DDHD1: variants seen among roughly 807,000 people sequenced by gnomAD.
DDHD1 encodes the protein DDHD domain containing 1, also known as phospholipase DDHD1.
In DDHD1, 49 loss-of-function variants were observed where a neutral mutation model predicts 96.4. The ratio of observed to expected loss-of-function variants is 0.51; its 90% CI spans 0.40 to 0.64. The LOEUF is 0.64. Among genes scored for constraint, DDHD1 ranks in the 30% least tolerant of loss-of-function variants. DDHD1 has a pLI of 0.00. For synonymous variants in DDHD1, 442 were observed against 446.5 expected, an observed-to-expected ratio of 0.99 and a Z score of 0.13; for missense variants, 1,106 against 1,161.2, an observed-to-expected ratio of 0.95 and a Z score of 0.69.
chr14:53,152,337 G>A lies in DDHD1; in HGVS notation c.762C>T (p.Ile254=). ...HEPEMVELVN[I]EPVCVRGGLY... is the part of the protein sequence containing the mutation. ...GGCCGCCCCGCACGCACACAGGCTC[G>A]ATGTTCACAAGCTCCACCATCTCCG... The change falls in exon 1 of 13, where the codon ATC becomes ATT. Residue 254 remains isoleucine (I), a synonymous_variant. Transcript: ENST00000673822. 6.2e-7 allele frequency: 1 copy of A among 1,613,952 alleles called. No homozygotes were observed. Among genetic ancestry groups the A allele is most frequent in the Non-Finnish European group, 8.5e-7 (1 of 1,179,954 alleles).
At position 53,061,472 on chromosome 14, in the gene DDHD1, A is replaced by G. The variant is rs576788102; in HGVS notation, c.1767-271T>C. The G allele has an allele frequency of 5.4e-5, 17 of 317,096 alleles. No individual in the cohort carries two copies. The East Asian group carries it at 9.6e-4, about 18-fold the overall frequency. The allele number at this position is 317,096 out of a possible 1,614,324, so 19.6% of individuals were successfully genotyped here. Reference sequence around the variant, plus strand: ...ATGTGAGTCATATACAAGCACATATACATCTTTTAAAAAATTATACCAAAT... The same window carrying G: ...ATGTGAGTCATATACAAGCACATATGCATCTTTTAAAAAATTATACCAAAT... On this transcript the variant is annotated intron_variant, in intron 7 of 12. Coordinates refer to ENST00000673822, the MANE Select transcript of DDHD1 (RefSeq NM_001160148.2).
intron 4 of DDHD1, among the ~76,000 whole-genome samples, chr14:53,084,941 T>C (rs1277362285): frequency 1.3e-5 from 2 of 152,242 alleles, no homozygotes; most frequent in Non-Finnish European, 2.9e-5. Context: ...GCTTTTCCAA[T>C]GGTCTGAGCA....
intron 9 of DDHD1, among the ~76,000 whole-genome samples, chr14:53,056,157 T>A (rs368126941): frequency 6.6e-6 from 1 of 152,224 alleles, no homozygotes; most frequent in Non-Finnish European, 1.5e-5. Flanking sequence ...CAGAGAAATA[T>A]TTTTATTATG....
chr14:53,123,257 C>T (rs1889151389), intron 1 of DDHD1, among the ~76,000 whole-genome samples: 1 of 151,790 alleles, frequency 6.6e-6, no homozygotes, highest in South Asian at 2.1e-4. Flanking sequence ...AGTGATTCTC[C>T]TGCCTCAGCC....
chr14:53,056,689 T>C (rs1883083730), intron 9 of DDHD1, among the ~76,000 whole-genome samples: 1 of 152,190 alleles, frequency 6.6e-6, no homozygotes, highest in Admixed American at 6.5e-5. Flanking sequence ...CTTCCTCTCT[T>C]ACAGAGATGT....
chr14:53,106,835 G>A (rs947865524), intron 1 of DDHD1, among the ~76,000 whole-genome samples: 9 of 152,112 alleles, frequency 5.9e-5, no homozygotes, highest in African/African-American at 2.2e-4. Context: ...TGTAAAATTT[G>A]AAATTTCCTA....
chr14:53,068,102 C>T (rs569510536), intron 6 of DDHD1, among the ~76,000 whole-genome samples: 7 of 152,036 alleles, frequency 4.6e-5, no homozygotes, highest in African/African-American at 9.7e-5. Context: ...ATTCTGCCAG[C>T]GTATCTAATA....
chr14:53,131,156 G>A (rs756705411), intron 1 of DDHD1, among the ~76,000 whole-genome samples: 5 of 152,124 alleles, frequency 3.3e-5, no homozygotes, highest in South Asian at 2.1e-4. Flanking sequence ...TTATTAGGTC[G>A]AGGCATTTTA....
At chr14:53,073,666 T>G in intron 5 of DDHD1, 75 bp downstream of exon 5, 1 of 1,282,542 alleles carries the variant, frequency 7.8e-7, no homozygotes. Context: ...CAAAAAGTGT[T>G]TTCTAAAACT....
At chr14:53,114,305 T>G (rs1188648046) in intron 1 of DDHD1, among the ~76,000 whole-genome samples, 1 of 152,220 alleles carries the variant, frequency 6.6e-6, no homozygotes, top group Non-Finnish European at 1.5e-5. Flanking sequence ...TCAGCAGATT[T>G]AATCTTTCCT....
rs1370611484 is a variant in DDHD1 at position 53,152,915 on chromosome 14, C to T, written c.184G>A (p.Glu62Lys). ...CCCGGCGCCAAATGCAGCCCGGGTT[C>T]CCCGCGCAGCAGGGCCAGGGGCACG... is the stretch of plus-strand genomic sequence containing the variant. ...GDVPLALLRG[E>K]PGLHLAPGTD... The change falls in exon 1 of 13, where the codon GAA becomes AAA. Residue 62 changes from glutamate (E) to lysine (K), a missense_variant. This residue lies in a region of DDHD1 where 456 missense variants were observed against 402.4 expected (regional missense o/e 1.13). Coordinates refer to ENST00000673822, the MANE Select transcript of DDHD1 (RefSeq NM_001160148.2). 57 of 1,607,662 alleles carry T rather than the reference C, an allele frequency of 3.5e-5. No homozygotes were observed. Among genetic ancestry groups the T allele is most frequent in the Non-Finnish European group, 4.7e-5 (55 of 1,177,624 alleles).
Position 53,040,592 on chromosome 14 carries a change from G to T in DDHD1, c.*6176C>A, listed in dbSNP as rs1881578888. Reference sequence around the variant, plus strand: ...GAAATTATTAAATGTGCATGCACCAGTTCCAGCTGAGAAAATCAGAACTGG... The same window carrying T: ...GAAATTATTAAATGTGCATGCACCATTTCCAGCTGAGAAAATCAGAACTGG... On this transcript the variant is annotated 3_prime_UTR_variant, in exon 13 of 13. Transcript: ENST00000673822. 1 of 152,164 alleles carries T rather than the reference G, an allele frequency of 6.6e-6. No individual in the cohort carries two copies. The highest frequency in any genetic ancestry group is 6.6e-5 in the Admixed American group (1 of 15,264). 9.4% of individuals were successfully genotyped at this position (152,164 alleles called of 1,614,324 possible).
intron 1 of DDHD1, among the ~76,000 whole-genome samples, chr14:53,104,675 C>G (rs1887555652): frequency 6.6e-6 from 1 of 152,006 alleles, no homozygotes; most frequent in South Asian, 2.1e-4. Flanking sequence ...AACACTATTC[C>G]TAGAAACCCA....
At chr14:53,133,091 C>A (rs887587157) in intron 1 of DDHD1, among the ~76,000 whole-genome samples, 1 of 152,224 alleles carries the variant, frequency 6.6e-6, no homozygotes, top group Non-Finnish European at 1.5e-5. Context: ...TAGAACCTCT[C>A]ATTTCCTTTC....
chr14:53,152,124 A>AGAAGGTGTAG, intron 1 of DDHD1, 137 bp downstream of exon 1: 3 of 842,750 alleles, frequency 3.6e-6, no homozygotes, highest in Non-Finnish European at 5.1e-6. Context: ...CTCCCTGCTC[A>AGAAGGTGTAG]ATCTCCATCC....
chr14:53,076,440 G>A (rs1014842091), intron 4 of DDHD1, among the ~76,000 whole-genome samples: 9 of 152,328 alleles, frequency 5.9e-5, no homozygotes, highest in Non-Finnish European at 1.3e-4. Context: ...TGGATGAGGA[G>A]TTGCTTCTTA....
At chr14:53,135,236 A>G (rs1221205738) in intron 1 of DDHD1, among the ~76,000 whole-genome samples, 1 of 152,168 alleles carries the variant, frequency 6.6e-6, no homozygotes, top group African/African-American at 2.4e-5. Flanking sequence ...CTCCATTGTG[A>G]TCTTTTCCTG....
At chr14:53,058,344 AC>A in intron 9 of DDHD1, 132 bp downstream of exon 9, 1 of 973,650 alleles carries the variant, frequency 1.0e-6, no homozygotes, top group Non-Finnish European at 1.5e-6. Context: ...TGAACTCCTG[AC>A]CTCAGATGAT....
chr14:53,140,652 G>T (rs1049908520), intron 1 of DDHD1, among the ~76,000 whole-genome samples: 1 of 152,148 alleles, frequency 6.6e-6, no homozygotes, highest in African/African-American at 2.4e-5. Flanking sequence ...CAATCCCAAA[G>T]AAGGCAGGAA....
Sources: allele counts gnomAD v4.1 joint callset (sites outside exome capture counted in the v4.1 genomes callset), GRCh38; gene constraint gnomAD v4.1.1; regional missense constraint gnomAD v4.1.1; transcripts MANE v1.5; gene names NCBI Gene and HGNC (gene_info 2026-07-23, HGNC 2026-07-21).